Variants in PCDHGA10 observed in about 807,000 individuals in gnomAD.
PCDHGA10 encodes the protein protocadherin gamma-A10.
A neutral mutation model predicts 59.5 loss-of-function variants in PCDHGA10; 42 were observed. The observed-to-expected ratio is 0.71, with a 90% CI of 0.55 to 0.91. The LOEUF is 0.91. Ranked by LOEUF, PCDHGA10 falls within the 40% of genes least tolerant of loss-of-function variation. The pLI, the probability that PCDHGA10 is intolerant of heterozygous loss-of-function variation, is 0.00. For synonymous variants in PCDHGA10, 511 were observed against 517.2 expected (o/e 0.99, Z 0.16); for missense variants, 1,111 against 1,198.2 (o/e 0.93, Z 1.07).
intron 3 of PCDHGA10, among the ~76,000 whole-genome samples, chr5:141,506,567 T>G (rs2099855029): frequency 6.6e-6 from 1 of 152,182 alleles, no homozygotes; most frequent in Non-Finnish European, 1.5e-5. Flanking sequence ...CCCCCTCGGT[T>G]TCACTTACTA....
intron 1 of PCDHGA10, chr5:141,441,104 T>C (rs1158565054): frequency 6.6e-6 from 1 of 152,204 alleles, no homozygotes; most frequent in Non-Finnish European, 1.5e-5. Flanking sequence ...GAGGGACTCA[T>C]TGTCCAGTGT....
Position 141,431,518 on chromosome 5 carries a change from G to T in PCDHGA10, c.2436+15907G>T. 6.2e-7 allele frequency: 1 copy of T among 1,614,090 alleles called. No individual in the cohort carries two copies. Among genetic ancestry groups the T allele is most frequent in the Non-Finnish European group, 8.5e-7 (1 of 1,180,038 alleles). ...CCGAGTACCGCGCGAGCGTTCCGGA[G>T]AATCTGGCCTTGGGCACGCAGCTGC... On this transcript the variant is annotated intron_variant, in intron 1 of 3. Coordinates refer to ENST00000398610, the MANE Select transcript of PCDHGA10 (RefSeq NM_018913.3). The surrounding 1 kb of genome is among the most constrained non-coding windows in gnomAD (Gnocchi z 4.8).
intron 1 of PCDHGA10, among the ~76,000 whole-genome samples, chr5:141,456,538 A>T (rs1010588747): frequency 7.2e-5 from 11 of 152,184 alleles, no homozygotes; most frequent in Admixed American, 3.3e-4. Context: ...TTAAAGAGGG[A>T]TTGTAGCCAC....
rs1394484191 is a variant in PCDHGA10 at position 141,486,006 on chromosome 5, C to T, written c.2437-8801C>T. The T allele has an allele frequency of 6.2e-7, 1 of 1,614,190 alleles. No individual in the cohort carries two copies. Among genetic ancestry groups the T allele is most frequent in the Non-Finnish European group, 8.5e-7 (1 of 1,180,026 alleles). Reference sequence around the variant, plus strand: ...GACCTGGGTCCCAGTGGTAACGTCACCTTTTATTTCAGTGGTCATACCCCT... The same window carrying T: ...GACCTGGGTCCCAGTGGTAACGTCATCTTTTATTTCAGTGGTCATACCCCT... On this transcript the variant is annotated intron_variant, in intron 1 of 3. Coordinates refer to ENST00000398610, the MANE Select transcript of PCDHGA10 (RefSeq NM_018913.3). This position sits in a 1 kb window ranked among gnomAD's most constrained non-coding sequence, Gnocchi z 5.0.
intron 1 of PCDHGA10, chr5:141,478,432 G>T (rs1238011675): frequency 6.2e-7 from 1 of 1,613,728 alleles, no homozygotes; most frequent in Admixed American, 1.7e-5. Context: ...GCGACCCGCT[G>T]CTGAAGAAAC....
intron 1 of PCDHGA10, chr5:141,421,777 CG>C (rs760013586): frequency 1.2e-6 from 2 of 1,613,804 alleles, no homozygotes; most frequent in Admixed American, 3.3e-5. Flanking sequence ...CTTGCAACTG[CG>C]GGGCAGAACG....
intron 3 of PCDHGA10, among the ~76,000 whole-genome samples, chr5:141,510,660 G>A (rs2099882170): frequency 1.3e-5 from 2 of 152,174 alleles, no homozygotes; most frequent in East Asian, 1.9e-4. Context: ...TTTTGCAGAT[G>A]AGAAAACTGA....
At chr5:141,427,566 C>A (rs1218268757) in intron 1 of PCDHGA10, 1 of 659,032 alleles carries the variant, frequency 1.5e-6, no homozygotes, top group Non-Finnish European at 2.8e-6. Context: ...CAAGGGCAAG[C>A]CTCCGCTCTC....
intron 1 of PCDHGA10, chr5:141,478,545 A>T: frequency 6.2e-7 from 1 of 1,605,606 alleles, no homozygotes; most frequent in Admixed American, 1.7e-5. Context: ...CCTCCCGGAC[A>T]GGTAAGGTTT....
Position 141,431,449 on chromosome 5 carries a change from G to A in PCDHGA10, c.2436+15838G>A. Reference sequence around the variant, plus strand: ...GCACAGGCACCGCGCGCATCCGCGTGATGGTTCTGGATGCGAACGACAACG... The same window carrying A: ...GCACAGGCACCGCGCGCATCCGCGTAATGGTTCTGGATGCGAACGACAACG... On this transcript the variant is annotated intron_variant, in intron 1 of 3. Coordinates refer to ENST00000398610, the MANE Select transcript of PCDHGA10 (RefSeq NM_018913.3). The surrounding 1 kb of genome is among the most constrained non-coding windows in gnomAD (Gnocchi z 4.8). The A allele has an allele frequency of 6.2e-7, 1 of 1,613,742 alleles. No individual in the cohort carries two copies. Among genetic ancestry groups the A allele is most frequent in the South Asian group, 1.1e-5 (1 of 91,082 alleles).
rs2099748179 is a variant in PCDHGA10 at position 141,493,421 on chromosome 5, T to G, written c.2437-1386T>G. Among the ~76,000 whole-genome samples the G allele has an allele frequency of 6.6e-6, 1 of 152,182 alleles. No individual in the cohort carries two copies. Among genetic ancestry groups the G allele is most frequent in the South Asian group, 2.1e-4 (1 of 4,830 alleles). On this transcript the variant is annotated intron_variant, in intron 1 of 3. Coordinates refer to ENST00000398610, the MANE Select transcript of PCDHGA10 (RefSeq NM_018913.3). The surrounding 1 kb of genome is among the most constrained non-coding windows in gnomAD (Gnocchi z 4.3). Reference sequence around the variant, plus strand: ...GGAGTTGCCTCTGCTGGGATTTTGCTTCTGCTGGGATGGGGCAAGGGTGGG... The same window carrying G: ...GGAGTTGCCTCTGCTGGGATTTTGCGTCTGCTGGGATGGGGCAAGGGTGGG...
intron 1 of PCDHGA10, among the ~76,000 whole-genome samples, chr5:141,482,458 C>G (rs986628162): frequency 1.4e-5 from 2 of 147,624 alleles, no homozygotes; most frequent in African/African-American, 2.6e-5. Flanking sequence ...ATTAGCATCC[C>G]TATGTGCCAG....
intron 1 of PCDHGA10, chr5:141,468,354 GA>G (rs910554966): frequency 7.0e-6 from 1 of 143,440 alleles, no homozygotes. Context: ...AAAAAAGAAA[GA>G]AAAAAGAAAT....
intron 3 of PCDHGA10, 89 bp from the exon 4 acceptor site, chr5:141,510,858 T>C (rs992991460): frequency 5.8e-5 from 93 of 1,606,182 alleles, no homozygotes; most frequent in South Asian, 1.0e-4. Flanking sequence ...GGGTGCTGTA[T>C]AGGCATTCAT....
At position 141,420,439 on chromosome 5, in the gene PCDHGA10, C is replaced by T. The variant is rs2096496531; in HGVS notation, c.2436+4828C>T. ...TTAAAACAAAAGTTTAAATTAAATGCCTCAGTCTTCCTACTATTCAAAGAC... is the reference window on the plus strand; with the variant it reads ...TTAAAACAAAAGTTTAAATTAAATGTCTCAGTCTTCCTACTATTCAAAGAC... On this transcript the variant is annotated intron_variant, in intron 1 of 3. Coordinates refer to ENST00000398610, the MANE Select transcript of PCDHGA10 (RefSeq NM_018913.3). 10 of 1,073,160 alleles carry T rather than the reference C, an allele frequency of 9.3e-6. No individual in the cohort carries two copies. In the South Asian group the frequency reaches 2.0e-4, roughly 22 times the overall value. The allele number at this position is 1,073,160 out of a possible 1,614,324, so 66.5% of individuals were successfully genotyped here.
rs2099695548 is a variant in PCDHGA10, at chr5:141,490,059, C to T, written c.2437-4748C>T. On this transcript the variant is annotated intron_variant, in intron 1 of 3. Coordinates refer to ENST00000398610, the MANE Select transcript of PCDHGA10 (RefSeq NM_018913.3). The surrounding 1 kb of genome is among the most constrained non-coding windows in gnomAD (Gnocchi z 5.4). ...ATGCCACTGATCCAGACGAGGGCAC[C>T]AACGGCCAACTAGACTATTCTTTTG... 1.2e-6 allele frequency: 2 copies of T among 1,614,242 alleles called. No individual in the cohort carries two copies. The highest frequency in any genetic ancestry group is 1.7e-6 in the Non-Finnish European group (2 of 1,180,030).
At chr5:141,419,279 G>C in intron 1 of PCDHGA10, 1 of 1,614,042 alleles carries the variant, frequency 6.2e-7, no homozygotes, top group South Asian at 1.1e-5. Flanking sequence ...CATAGCGCAA[G>C]TCAGTGCCTC....
intron 1 of PCDHGA10, chr5:141,441,872 G>T: frequency 2.9e-6 from 1 of 341,646 alleles, no homozygotes. Flanking sequence ...GCGGAGCCTG[G>T]CTACCTGGTC....
chr5:141,415,704 T>C (rs1262137262), intron 1 of PCDHGA10, 93 bp downstream of exon 1: 1 of 1,344,464 alleles, frequency 7.4e-7, no homozygotes, highest in South Asian at 1.3e-5. Context: ...GTGTAAATGC[T>C]AAAACACTGA....
Sources: allele counts gnomAD v4.1 joint callset (sites outside exome capture counted in the v4.1 genomes callset), GRCh38; gene constraint gnomAD v4.1.1; non-coding constraint Gnocchi (gnomAD v3.1); transcripts MANE v1.5; gene names NCBI Gene and HGNC (gene_info 2026-07-23, HGNC 2026-07-21).